Variants in CENPE observed in about 807,000 individuals in gnomAD.
CENPE encodes centromere-associated protein E.
In CENPE, 145 loss-of-function variants were observed where a neutral mutation model predicts 336.1. That is an observed-to-expected ratio of 0.43 (90% CI 0.38 to 0.50). The LOEUF (loss-of-function observed/expected upper bound fraction) is 0.50. CENPE is among the 20% of genes least tolerant of loss of function. CENPE has a pLI of 0.00. For missense variants in CENPE, 2,719 were observed against 3,023.3 expected (o/e 0.90, Z 2.36); for synonymous variants, 1,013 against 984.8 (o/e 1.03, Z -0.54).
intron 9 of CENPE, among the ~76,000 whole-genome samples, chr4:103,183,956 C>A (rs1403569518): frequency 6.6e-6 from 1 of 152,166 alleles, no homozygotes; most frequent in Admixed American, 6.5e-5. Flanking sequence ...AAACACTGAT[C>A]TTTTTCATTC....
intron 24 of CENPE, among the ~76,000 whole-genome samples, chr4:103,157,812 G>C (rs1289758958): frequency 6.6e-6 from 1 of 151,810 alleles, no homozygotes; most frequent in Non-Finnish European, 1.5e-5. Context: ...TATTTCACCA[G>C]TCTCCTATTG....
intron 6 of CENPE, 80 bp from the exon 7 acceptor site, chr4:103,194,521 A>G: frequency 6.8e-7 from 1 of 1,462,676 alleles, no homozygotes; most frequent in Admixed American, 2.1e-5. Context: ...AACTTAAAAA[A>G]GTATGATTTG....
chr4:103,185,563 G>A (rs1279065670), intron 9 of CENPE, among the ~76,000 whole-genome samples: 1 of 151,884 alleles, frequency 6.6e-6, no homozygotes, highest in Non-Finnish European at 1.5e-5. Flanking sequence ...CTTTCCTGCT[G>A]TACAATCCCA....
In CENPE at chr4:103,166,057, T is replaced by G. The variant is rs555050237; in HGVS notation, c.1648-2504A>C. Among the ~76,000 whole-genome samples the G allele has an allele frequency of 1.3e-3, 201 of 152,240 alleles. 1 individual carries two copies. Among genetic ancestry groups the G allele is most frequent in the African/African-American group, 4.8e-3 (199 of 41,548 alleles). On this transcript the variant is annotated intron_variant, in intron 16 of 48. Coordinates refer to ENST00000265148, the MANE Select transcript of CENPE (RefSeq NM_001813.3). ...CAATTCAATAAGCTTCAATTTTTCTTATTAATATATTAATGATGTGAGAAA... is the reference window on the plus strand; with the variant it reads ...CAATTCAATAAGCTTCAATTTTTCTGATTAATATATTAATGATGTGAGAAA...
At chr4:103,121,196 A>C (rs896366090) in intron 43 of CENPE, among the ~76,000 whole-genome samples, 1 of 152,206 alleles carries the variant, frequency 6.6e-6, no homozygotes, top group Non-Finnish European at 1.5e-5. Context: ...CTATAACCAA[A>C]TATACATGAA....
chr4:103,135,485 C>T (rs1035893689), intron 40 of CENPE, among the ~76,000 whole-genome samples: 2 of 152,170 alleles, frequency 1.3e-5, no homozygotes, highest in African/African-American at 4.8e-5. Context: ...TCCCTTATGT[C>T]CACTATCAAT....
chr4:103,187,977 A>C (rs1175924355), intron 8 of CENPE, among the ~76,000 whole-genome samples: 5 of 152,054 alleles, frequency 3.3e-5, no homozygotes, highest in Non-Finnish European at 7.4e-5. Flanking sequence ...AAAACAAAAA[A>C]AGGCAGGGGT....
chr4:103,116,991 GA>G (rs1313296022), intron 44 of CENPE, among the ~76,000 whole-genome samples: 1 of 151,714 alleles, frequency 6.6e-6, no homozygotes, highest in Non-Finnish European at 1.5e-5. Flanking sequence ...CCTACAAAAT[GA>G]AAAAAGTTGG....
chr4:103,110,928 C>T lies in CENPE; in HGVS notation c.7624G>A (p.Ala2542Thr), dbSNP rs764610726. The T allele has an allele frequency of 2.1e-5, 34 of 1,611,776 alleles. No individual in the cohort carries two copies. Among genetic ancestry groups the T allele is most frequent in the Non-Finnish European group, 2.7e-5 (32 of 1,178,902 alleles). ...ATATGTTCACTTTTCAAAATAAGAG[C>T]TTTTGTGTTTTGTACAATGCCGCTG... is the stretch of plus-strand genomic sequence containing the variant. ...GGSGIVQNTK[A>T]LILKSEHIRL... Residue 2542 changes from alanine to threonine, a missense_variant, in exon 47 of 49, where the codon GCT (alanine) becomes ACT (threonine). This residue lies in a region of CENPE where 2,437 missense variants were observed against 2,513.3 expected (regional missense o/e 0.97). Transcript: ENST00000265148.
intron 11 of CENPE, chr4:103,181,721 G>T: frequency 3.9e-6 from 1 of 253,988 alleles, no homozygotes; most frequent in Non-Finnish European, 7.4e-6. Flanking sequence ...TACCCCTCAA[G>T]GTCCAGTGCT....
At position 103,195,240 on chromosome 4, in the gene CENPE, GA is replaced by G. The variant is rs567538994; in HGVS notation, c.358-8del. The G allele has an allele frequency of 3.7e-4, 572 of 1,563,188 alleles. 5 individuals carry two copies. The African/African-American group carries it at 6.6e-3, about 18-fold the overall frequency. On this transcript the variant is annotated splice_region_variant and splice_polypyrimidine_tract_variant and intron_variant, in intron 4 of 48. Transcript: ENST00000265148. Reference sequence around the variant, plus strand: ...GAAATTCCCTATCAGGAAACTAGAAGAAAAAAAATTATATAAAAACACCAGG... The same window carrying G: ...GAAATTCCCTATCAGGAAACTAGAAGAAAAAAATTATATAAAAACACCAGG...
Position 103,145,906 on chromosome 4 carries a change from C to G in CENPE, c.4336G>C (p.Asp1446His), listed in dbSNP as rs759917441. The G allele has an allele frequency of 6.2e-7, 1 of 1,613,750 alleles. No homozygotes were observed. Among genetic ancestry groups the G allele is most frequent in the Non-Finnish European group, 8.5e-7 (1 of 1,179,836 alleles). ...EMKSVAKEKD[D>H]LQRLQEVLQS... ...AGAACTTCTTGCAGCCTCTGTAGGT[C>G]ATCTTTCTCCTTAGCTACAGATTTC... The change falls in exon 30 of 49, where the codon GAC becomes CAC. Residue 1446 changes from aspartate to histidine, a missense_variant. Asp to His is a moderately conservative substitution (Grantham distance 81, BLOSUM62 -1). Around this residue, in one of 5 missense-constraint regions of CENPE, gnomAD observed 2,437 missense variants for 2,513.3 expected, o/e 0.97. Coordinates refer to ENST00000265148, the MANE Select transcript of CENPE (RefSeq NM_001813.3).
rs538581107 is a variant in CENPE, at chr4:103,108,794, T to G, written c.8011+9A>C. 8.1e-6 allele frequency: 13 copies of G among 1,609,230 alleles called. No homozygotes were observed. The highest frequency in any genetic ancestry group is 1.7e-4 in the Middle Eastern group (1 of 6,030). On this transcript the variant is annotated intron_variant, in intron 48 of 48. Coordinates refer to ENST00000265148, the MANE Select transcript of CENPE (RefSeq NM_001813.3). ...CTCTGATTTCCAAGTAACCAGTATA[T>G]TTACTTACCTGGACAAAGGCCTAAA...
intron 24 of CENPE, 90 bp downstream of exon 24, chr4:103,158,210 A>G (rs779181239): frequency 1.4e-5 from 13 of 962,422 alleles, no homozygotes; most frequent in Non-Finnish European, 1.9e-5. Flanking sequence ...TGAGTAACAA[A>G]TGAAATTGAG....
intron 12 of CENPE, 52 bp downstream of exon 12, chr4:103,181,285 T>A (rs1337865917): frequency 7.5e-7 from 1 of 1,331,532 alleles, no homozygotes; most frequent in Non-Finnish European, 1.0e-6. Flanking sequence ...TGGGCAGGTC[T>A]CCATTCTAAA....
chr4:103,197,965 T>G (rs189660894), intron 1 of CENPE, among the ~76,000 whole-genome samples: 1 of 152,184 alleles, frequency 6.6e-6, no homozygotes, highest in Non-Finnish European at 1.5e-5. Flanking sequence ...ACGACTTCTC[T>G]AGGCGGGGAA....
chr4:103,163,321 G>T (rs1754615837), intron 17 of CENPE, 65 bp from the exon 18 acceptor site: 2 of 1,408,716 alleles, frequency 1.4e-6, no homozygotes, highest in Admixed American at 2.0e-5. Flanking sequence ...GATTAAAACA[G>T]AACTTATATA....
intron 5 of CENPE, 115 bp downstream of exon 5, chr4:103,194,999 C>A (rs1757631659): frequency 7.5e-6 from 7 of 928,124 alleles, no homozygotes; most frequent in Non-Finnish European, 1.1e-5. Context: ...AAAACCCTCA[C>A]ATACTATAGA....
intron 7 of CENPE, 39 bp from the exon 8 acceptor site, chr4:103,194,333 T>G: frequency 6.2e-7 from 1 of 1,609,416 alleles, no homozygotes; most frequent in Non-Finnish European, 8.5e-7. Flanking sequence ...ATTAGTGCAT[T>G]CTTACTTGGA....
Sources: gnomAD v4.1 joint callset for allele counts (sites outside exome capture counted in the v4.1 genomes callset) on GRCh38, gnomAD v4.1.1 for gene constraint, gnomAD v4.1.1 regional missense constraint, MANE v1.5 for transcripts, NCBI Gene and HGNC (gene_info 2026-07-23, HGNC 2026-07-21) for gene names.